Variants in ARHGAP44 observed in about 807,000 individuals in gnomAD.
The protein encoded by ARHGAP44 is Rho GTPase activating protein 44.
A neutral mutation model predicts 106.8 loss-of-function variants in ARHGAP44; 43 were observed. That is an observed-to-expected ratio of 0.40 (90% CI 0.32 to 0.52). The LOEUF is 0.52. ARHGAP44 is among the 20% of genes least tolerant of loss of function. The pLI is 0.48. For missense variants in ARHGAP44, 866 were observed against 1,050.5 expected, an observed-to-expected ratio of 0.82 and a Z score of 2.43; for synonymous variants, 439 against 410.3, an observed-to-expected ratio of 1.07 and a Z score of -0.85.
chr17:12,919,950 G>C (rs943096997), intron 6 of ARHGAP44, 119 bp downstream of exon 6: 5 of 756,066 alleles, frequency 6.6e-6, no homozygotes, highest in Non-Finnish European at 1.1e-5. Context: ...GACACCTAAC[G>C]TGTACCAGGC....
intron 8 of ARHGAP44, among the ~76,000 whole-genome samples, chr17:12,942,215 C>T (rs968658220): frequency 2.6e-5 from 4 of 152,198 alleles, no homozygotes; most frequent in African/African-American, 9.6e-5. Context: ...GGCGTGATCT[C>T]AGCTCACCAC....
At chr17:12,831,158 TCAA>T (rs2035076535) in intron 1 of ARHGAP44, among the ~76,000 whole-genome samples, 1 of 152,198 alleles carries the variant, frequency 6.6e-6, no homozygotes, top group Non-Finnish European at 1.5e-5. Context: ...ATTGAATTCT[TCAA>T]CAACTCTTGT....
chr17:12,870,302 A>G (rs1035189570), intron 1 of ARHGAP44, among the ~76,000 whole-genome samples: 4 of 152,106 alleles, frequency 2.6e-5, no homozygotes, highest in African/African-American at 9.7e-5. Flanking sequence ...CTCCCGCCTC[A>G]GTACTGTGGG....
chr17:12,927,474 G>C (rs1254852769), intron 6 of ARHGAP44, among the ~76,000 whole-genome samples: 1 of 152,170 alleles, frequency 6.6e-6, no homozygotes, highest in Non-Finnish European at 1.5e-5. Flanking sequence ...CCTCGCATCA[G>C]AGGCTGCAGA....
At position 12,957,417 on chromosome 17, in the gene ARHGAP44, C is replaced by A. The variant is rs554666664; in HGVS notation, c.1342+671C>A. On this transcript the variant is annotated intron_variant, in intron 15 of 20. Coordinates refer to ENST00000379672, the MANE Select transcript of ARHGAP44 (RefSeq NM_014859.6). ...GAAGGAAAGATCCTCTGCCCCAAAT[C>A]CTTCACTTTGTAGATGCAGAGGGGG... 2.6e-5 allele frequency among the ~76,000 whole-genome samples: 4 copies of A among 152,302 alleles called. No individual in the cohort carries two copies. In the South Asian group the frequency reaches 8.3e-4, roughly 32 times the overall value.
chr17:12,967,931 CTCCCTCTGAGTTCAAA>C (rs2039433147), intron 16 of ARHGAP44, among the ~76,000 whole-genome samples: 1 of 152,218 alleles, frequency 6.6e-6, no homozygotes, highest in Non-Finnish European at 1.5e-5. Flanking sequence ...TGGAATCAGG[CTCCCTCTGAGTTCAAA>C]TCCTGGTTAC....
chr17:12,889,503 A>G (rs895810491), intron 1 of ARHGAP44, among the ~76,000 whole-genome samples: 5 of 152,156 alleles, frequency 3.3e-5, no homozygotes, highest in African/African-American at 7.2e-5. Context: ...AACAGCATTA[A>G]TCTGAACACT....
intron 1 of ARHGAP44, among the ~76,000 whole-genome samples, chr17:12,889,970 CT>C (rs2036993783): frequency 6.6e-6 from 1 of 152,172 alleles, no homozygotes; most frequent in Non-Finnish European, 1.5e-5. Context: ...CCATGTGTAA[CT>C]TTTGAGCATA....
intron 1 of ARHGAP44, among the ~76,000 whole-genome samples, chr17:12,873,950 T>A (rs962705369): frequency 3.5e-5 from 4 of 114,714 alleles, no homozygotes; most frequent in East Asian, 2.4e-4. Flanking sequence ...AATAAATAAA[T>A]AAAAGAAAGA....
intron 1 of ARHGAP44, among the ~76,000 whole-genome samples, chr17:12,799,687 G>C (rs750071154): frequency 2.0e-5 from 3 of 152,070 alleles, no homozygotes. Flanking sequence ...CCTACCCTCC[G>C]ACGTTCAGGT....
intron 1 of ARHGAP44, among the ~76,000 whole-genome samples, chr17:12,796,087 A>G (rs1266769615): frequency 1.3e-5 from 2 of 152,158 alleles, no homozygotes; most frequent in African/African-American, 4.8e-5. Context: ...CTCATTACCC[A>G]GAGACCATAG....
chr17:12,903,130 A>AGGG (rs1567677758), intron 3 of ARHGAP44, among the ~76,000 whole-genome samples: 2 of 116,698 alleles, frequency 1.7e-5, no homozygotes, highest in Non-Finnish European at 3.6e-5. Flanking sequence ...GAGAGAGGAG[A>AGGG]GAGAGAGAGA....
rs542801147 is a variant in ARHGAP44 at position 12,984,447 on chromosome 17, G to A, written c.1940-84G>A. ...GCAGGAGGTGGGGACAGCTTTGAACGCTGAAGGGTGTGTGAACAGGCCCCA... is the reference window on the plus strand; with the variant it reads ...GCAGGAGGTGGGGACAGCTTTGAACACTGAAGGGTGTGTGAACAGGCCCCA... On this transcript the variant is annotated intron_variant, in intron 19 of 20. Transcript: ENST00000379672. 16 of 1,448,734 alleles carry A rather than the reference G, an allele frequency of 1.1e-5. No individual in the cohort carries two copies. In the African/African-American group the frequency reaches 1.8e-4, roughly 17 times the overall value. 89.7% of individuals were successfully genotyped at this position (1,448,734 alleles called of 1,614,324 possible).
chr17:12,792,632 T>C (rs1297031056), intron 1 of ARHGAP44, among the ~76,000 whole-genome samples: 1 of 152,214 alleles, frequency 6.6e-6, no homozygotes, highest in Non-Finnish European at 1.5e-5. Context: ...TGTGCAGTTA[T>C]AAAGCACTTG....
chr17:12,978,061 G>C (rs2039737953), intron 18 of ARHGAP44, among the ~76,000 whole-genome samples: 2 of 43,728 alleles, frequency 4.6e-5, no homozygotes, highest in Admixed American at 5.0e-4. Flanking sequence ...AAAAAAGTGT[G>C]TTTCGTGGCA....
At position 12,990,183 on chromosome 17, in the gene ARHGAP44, C is replaced by A; in HGVS notation, c.*12C>A. 6.2e-7 allele frequency: 1 copy of A among 1,609,736 alleles called. No individual in the cohort carries two copies. The highest frequency in any genetic ancestry group is 8.5e-7 in the Non-Finnish European group (1 of 1,176,548). The stretch of plus-strand genomic sequence containing the variant: ...GCACCGCCCTCTGACATGACACCGC[C>A]CATCCTGCCTCGCGTGTACATACAT... On this transcript the variant is annotated 3_prime_UTR_variant, in exon 21 of 21. Transcript: ENST00000379672.
chr17:12,869,022 A>T lies in ARHGAP44; in HGVS notation c.54-25918A>T, dbSNP rs1237771758. On this transcript the variant is annotated intron_variant, in intron 1 of 20. Transcript: ENST00000379672. ...CATAAAATTATTTGGAGGACACAAG[A>T]AATACATATTTAAGGGTTTGGTATA... Among the ~76,000 whole-genome samples, 6 of 152,184 alleles carry T rather than the reference A, an allele frequency of 3.9e-5. No homozygotes were observed. The East Asian group carries it at 1.2e-3, about 29-fold the overall frequency.
chr17:12,970,910 A>G (rs3785716), intron 16 of ARHGAP44, among the ~76,000 whole-genome samples: 81,130 of 152,060 alleles, frequency 0.53, 22,831 homozygotes, highest in African/African-American at 0.72. Context: ...ATTTACATAT[A>G]CCATCTTGCT....
chr17:12,848,153 T>C (rs1279484210), intron 1 of ARHGAP44, among the ~76,000 whole-genome samples: 1 of 152,202 alleles, frequency 6.6e-6, no homozygotes, highest in East Asian at 1.9e-4. Context: ...TCAGACTGTT[T>C]CTTATGACTT....
Sources: gnomAD v4.1 joint callset for allele counts (sites outside exome capture counted in the v4.1 genomes callset) on GRCh38, gnomAD v4.1.1 for gene constraint, MANE v1.5 for transcripts, NCBI Gene and HGNC (gene_info 2026-07-23, HGNC 2026-07-21) for gene names.